The following AIG1 variants were observed in gnomAD, a reference collection of about 807,000 sequenced individuals.
AIG1 encodes the protein androgen induced 1, also known as androgen-induced gene 1 protein.
AIG1 carries 23 observed loss-of-function variants against 31.4 expected under a neutral mutation model. The ratio of observed to expected loss-of-function variants is 0.73; its 90% CI spans 0.53 to 1.04. AIG1 has a LOEUF of 1.04. AIG1 is among the 50% of genes least tolerant of loss of function. The pLI, the probability that AIG1 is intolerant of heterozygous loss-of-function variation, is 0.00. For synonymous variants in AIG1, 100 were observed against 110.5 expected, an observed-to-expected ratio of 0.90 and a Z score of 0.60; for missense variants, 274 against 295.0, an observed-to-expected ratio of 0.93 and a Z score of 0.52.
chr6:143,190,682 A>G, intron 3 of AIG1: 9 of 854,278 alleles, frequency 1.1e-5, no homozygotes, highest in Non-Finnish European at 1.3e-5. Flanking sequence ...CTCAACCTGT[A>G]TTCTAACATG....
chr6:143,301,037 C>A (rs941445607), intron 4 of AIG1, among the ~76,000 whole-genome samples: 4 of 152,146 alleles, frequency 2.6e-5, no homozygotes, highest in African/African-American at 9.7e-5. Context: ...CAGCTCACTG[C>A]AAGTTAATAG....
rs1798166267 is a variant in AIG1 at position 143,293,097 on chromosome 6, C to T, written c.515+8872C>T. Among the ~76,000 whole-genome samples, 1 of 152,128 alleles carries T rather than the reference C, an allele frequency of 6.6e-6. No homozygotes were observed. The highest frequency in any genetic ancestry group is 2.4e-5 in the African/African-American group (1 of 41,428). ...ACAGAGTTGTGAGGATTAATGAGCCCATAGGGATGCTCAGGAAATGAGAGC... is the reference window on the plus strand; with the variant it reads ...ACAGAGTTGTGAGGATTAATGAGCCTATAGGGATGCTCAGGAAATGAGAGC... On this transcript the variant is annotated intron_variant, in intron 4 of 5. Coordinates refer to ENST00000357847, the MANE Select transcript of AIG1 (RefSeq NM_016108.4). This position sits in a 1 kb window ranked among gnomAD's most constrained non-coding sequence, Gnocchi z 4.8.
chr6:143,097,067 T>A (rs901291955), intron 1 of AIG1, among the ~76,000 whole-genome samples: 2 of 152,098 alleles, frequency 1.3e-5, no homozygotes, highest in African/African-American at 4.8e-5. Context: ...ATTTGATATT[T>A]AAAAAATTGC....
chr6:143,320,626 G>T (rs1776128575), intron 4 of AIG1, among the ~76,000 whole-genome samples: 1 of 152,074 alleles, frequency 6.6e-6, no homozygotes, highest in African/African-American at 2.4e-5. Context: ...CTTATATCAA[G>T]AATATAAAAT....
chr6:143,179,130 A>G (rs982774616), intron 3 of AIG1, among the ~76,000 whole-genome samples: 2 of 152,186 alleles, frequency 1.3e-5, no homozygotes, highest in African/African-American at 4.8e-5. Flanking sequence ...GAATGTCACT[A>G]GACCACTGTC....
chr6:143,112,246 A>G (rs542121478), intron 1 of AIG1, among the ~76,000 whole-genome samples: 1 of 152,278 alleles, frequency 6.6e-6, no homozygotes, highest in Non-Finnish European at 1.5e-5. Context: ...TCTGCCCAGA[A>G]CAGTCACATC....
chr6:143,343,450 C>A, downstream of AIG1: 1 of 369,598 alleles, frequency 2.7e-6, no homozygotes, highest in South Asian at 3.1e-5. Flanking sequence ...GACATCGGCC[C>A]TAGAGTGATC....
At position 143,326,297 on chromosome 6, in the gene AIG1, G is replaced by A. The variant is rs746028724; in HGVS notation, c.516-6985G>A. Among the ~76,000 whole-genome samples, 7 of 152,160 alleles carry A rather than the reference G, an allele frequency of 4.6e-5. No individual in the cohort carries two copies. Among genetic ancestry groups the A allele is most frequent in the Non-Finnish European group, 7.3e-5 (5 of 68,038 alleles). On this transcript the variant is annotated intron_variant, in intron 4 of 5. Coordinates refer to ENST00000357847, the MANE Select transcript of AIG1 (RefSeq NM_016108.4). The surrounding 1 kb of genome is among the most constrained non-coding windows in gnomAD (Gnocchi z 4.5). Reference sequence around the variant, plus strand: ...CCTCTCTTCCTTGATCACAACAAAAGTGTTCTCTTCTTGAACTTCTGGGAG... The same window carrying A: ...CCTCTCTTCCTTGATCACAACAAAAATGTTCTCTTCTTGAACTTCTGGGAG...
At position 143,284,656 on chromosome 6, in the gene AIG1, TATG is replaced by T. The variant is rs1797571467; in HGVS notation, c.515+432_515+434del. On this transcript the variant is annotated intron_variant, in intron 4 of 5. Coordinates refer to ENST00000357847, the MANE Select transcript of AIG1 (RefSeq NM_016108.4). This position sits in a 1 kb window ranked among gnomAD's most constrained non-coding sequence, Gnocchi z 4.4. ...ACTTACTAGGAAACAAGTGAAAATGTATGTTTTCCCTGGTCCATTTAAAACCTA... is the reference window on the plus strand; with the variant it reads ...ACTTACTAGGAAACAAGTGAAAATGTTTTTCCCTGGTCCATTTAAAACCTA... Among the ~76,000 whole-genome samples the T allele has an allele frequency of 6.6e-6, 1 of 152,162 alleles. No homozygotes were observed. The highest frequency in any genetic ancestry group is 2.4e-5 in the African/African-American group (1 of 41,420).
intron 1 of AIG1, among the ~76,000 whole-genome samples, chr6:143,093,435 A>C (rs1055164014): frequency 6.6e-6 from 1 of 152,212 alleles, no homozygotes; most frequent in African/African-American, 2.4e-5. Flanking sequence ...TTTTGGCTTA[A>C]GGGAATGTTG....
intron 3 of AIG1, among the ~76,000 whole-genome samples, chr6:143,216,130 T>C (rs1792010422): frequency 1.3e-5 from 2 of 151,756 alleles, no homozygotes. Flanking sequence ...AACTTTTGAT[T>C]TGAAGGAGAG....
chr6:143,234,215 A>G (rs1793653610), intron 3 of AIG1, among the ~76,000 whole-genome samples: 1 of 152,238 alleles, frequency 6.6e-6, no homozygotes, highest in African/African-American at 2.4e-5. Context: ...CCCACTGTTA[A>G]GTAAAACCTT....
In AIG1 at chr6:143,309,061, G is replaced by T. The variant is rs1189303379; in HGVS notation, c.516-24221G>T. Among the ~76,000 whole-genome samples the T allele has an allele frequency of 2.6e-5, 4 of 152,120 alleles. No homozygotes were observed. The East Asian group carries it at 7.7e-4, about 29-fold the overall frequency. On this transcript the variant is annotated intron_variant, in intron 4 of 5. Transcript: ENST00000357847. ...GGGCTTCCTTTTACTTATAGAGAAA[G>T]AGGATAAGAATTATAATATACTTCT...
intron 4 of AIG1, among the ~76,000 whole-genome samples, chr6:143,296,767 C>T (rs1798454491): frequency 6.6e-6 from 1 of 152,164 alleles, no homozygotes; most frequent in Non-Finnish European, 1.5e-5. Context: ...CTAAAATAGC[C>T]ATATAAAACA....
intron 2 of AIG1, among the ~76,000 whole-genome samples, chr6:143,149,061 T>C (rs1256112666): frequency 3.3e-5 from 5 of 152,212 alleles, no homozygotes; most frequent in African/African-American, 4.8e-5. Context: ...AATAGCCTAA[T>C]GACACATTTC....
At chr6:143,148,883 G>A (rs1303367778) in intron 2 of AIG1, among the ~76,000 whole-genome samples, 1 of 152,056 alleles carries the variant, frequency 6.6e-6, no homozygotes, top group Non-Finnish European at 1.5e-5. Flanking sequence ...CTATGTTTAG[G>A]TGTGTTTAAA....
chr6:143,064,464 C>T (rs143120920), intron 1 of AIG1, among the ~76,000 whole-genome samples: 35 of 152,290 alleles, frequency 2.3e-4, no homozygotes, highest in African/African-American at 8.2e-4. Flanking sequence ...CACATACCTG[C>T]TGACAGCTTA....
chr6:143,226,737 T>C (rs1457258944), intron 3 of AIG1, among the ~76,000 whole-genome samples: 1 of 152,100 alleles, frequency 6.6e-6, no homozygotes, highest in South Asian at 2.1e-4. Flanking sequence ...TTTGTGAAAA[T>C]TGTGTAGAAT....
intron 3 of AIG1, among the ~76,000 whole-genome samples, chr6:143,228,000 A>G (rs1793142735): frequency 6.6e-6 from 1 of 152,196 alleles, no homozygotes; most frequent in Non-Finnish European, 1.5e-5. Flanking sequence ...AGTGAGTTCA[A>G]ACACTTTAAA....
Sources: allele counts gnomAD v4.1 joint callset (sites outside exome capture counted in the v4.1 genomes callset), GRCh38; gene constraint gnomAD v4.1.1; non-coding constraint Gnocchi (gnomAD v3.1); transcripts MANE v1.5; gene names NCBI Gene and HGNC (gene_info 2026-07-23, HGNC 2026-07-21).